PELP1: variants seen among roughly 807,000 people sequenced by gnomAD.
PELP1 encodes the protein proline, glutamate and leucine rich protein 1, also known as proline-, glutamic acid- and leucine-rich protein 1.
PELP1 carries 32 observed loss-of-function variants against 95.5 expected under a neutral mutation model. That is an observed-to-expected ratio of 0.34 (90% CI 0.25 to 0.45). The LOEUF (loss-of-function observed/expected upper bound fraction) is 0.45, where lower values mean the gene tolerates loss of function less well. Among genes scored for constraint, PELP1 ranks in the 20% least tolerant of loss-of-function variants. The pLI, the probability that PELP1 is intolerant of heterozygous loss-of-function variation, is 1.00. For synonymous variants in PELP1, 668 were observed against 600.1 expected (o/e 1.11, Z -1.65); for missense variants, 1,358 against 1,444.8 (o/e 0.94, Z 0.97).
chr17:4,692,466 CAAA>C (rs11321605), intron 1 of PELP1, among the ~76,000 whole-genome samples: 3 of 147,882 alleles, frequency 2.0e-5, no homozygotes, highest in Admixed American at 6.7e-5. Context: ...GACTCTGTCT[CAAA>C]AAAAAAAAAA....
chr17:4,681,544 G>A (rs1424055981), intron 5 of PELP1, among the ~76,000 whole-genome samples: 1 of 151,804 alleles, frequency 6.6e-6, no homozygotes, highest in Non-Finnish European at 1.5e-5. Flanking sequence ...GCTAATGCCT[G>A]TAATCCCAGC....
Position 4,675,418 on chromosome 17 carries a change from G to C in PELP1, c.1069-56C>G, listed in dbSNP as rs1476813025. 2.7e-6 allele frequency: 3 copies of C among 1,123,082 alleles called. No individual in the cohort carries two copies. Among genetic ancestry groups the C allele is most frequent in the Non-Finnish European group, 3.9e-6 (3 of 764,866 alleles). The allele number at this position is 1,123,082 out of a possible 1,614,324, so 69.6% of individuals were successfully genotyped here. A position where few individuals can be genotyped will look rare whatever the true frequency, so the allele number is the denominator to read the frequency against. On this transcript the variant is annotated intron_variant, in intron 9 of 16. Transcript: ENST00000572293. The surrounding 1 kb of genome is among the most constrained non-coding windows in gnomAD (Gnocchi z 4.3). Reference sequence around the variant, plus strand: ...GGAGGAAGAAAGTGAGAGCCAGAGAGAGACAGAAACAGGGAATGACCATTT... The same window carrying C: ...GGAGGAAGAAAGTGAGAGCCAGAGACAGACAGAAACAGGGAATGACCATTT...
At chr17:4,678,635 C>T (rs1912583804) in intron 5 of PELP1, among the ~76,000 whole-genome samples, 1 of 152,170 alleles carries the variant, frequency 6.6e-6, no homozygotes, top group African/African-American at 2.4e-5. Context: ...ACTCAAAACG[C>T]GCACACACAC....
At chr17:4,683,260 AC>A (rs1273632751) in intron 3 of PELP1, 3 of 203,382 alleles carry the variant, frequency 1.5e-5, no homozygotes, top group African/African-American at 7.2e-5. Context: ...TTGCTCTGTC[AC>A]CCAGGCTGGA....
At position 4,673,855 on chromosome 17, in the gene PELP1, G is replaced by A. The variant is rs145863425; in HGVS notation, c.1583-181C>T. ...ACCTCTACTGTATAGGGCCACTGAC[G>A]GTATTTAATTGAGACAATGTAAGTA... On this transcript the variant is annotated intron_variant, in intron 13 of 16. Coordinates refer to ENST00000572293, the MANE Select transcript of PELP1 (RefSeq NM_014389.3). This position sits in a 1 kb window ranked among gnomAD's most constrained non-coding sequence, Gnocchi z 5.7. 27 of 581,646 alleles carry A rather than the reference G, an allele frequency of 4.6e-5. No individual in the cohort carries two copies. Among genetic ancestry groups the A allele is most frequent in the African/African-American group, 3.7e-5 (2 of 53,774 alleles). The allele number at this position is 581,646 out of a possible 1,614,324, so 36.0% of individuals were successfully genotyped here.
intron 3 of PELP1, among the ~76,000 whole-genome samples, chr17:4,685,060 G>A (rs1912856496): frequency 1.3e-5 from 2 of 152,008 alleles, no homozygotes; most frequent in African/African-American, 2.4e-5. Context: ...CTCCCTCATC[G>A]TTAGAGCCCA....
chr17:4,676,794 A>G lies in PELP1; in HGVS notation c.661T>C (p.Phe221Leu). ...CTCAAGGCATCCACCCTAGACAGAA[A>G]AAATGAGGCCAGCTTGCCCTGGATG... ...GSLKGKLASF[F>L]LSRVDALSPQ... The change falls in exon 6 of 17, where the codon TTT becomes CTT. Residue 221 changes from phenylalanine to leucine, a missense_variant. Phe to Leu is a conservative substitution (Grantham distance 22). Coordinates refer to ENST00000572293, the MANE Select transcript of PELP1 (RefSeq NM_014389.3). The G allele has an allele frequency of 6.4e-7, 1 of 1,568,846 alleles. No individual in the cohort carries two copies. Among genetic ancestry groups the G allele is most frequent in the South Asian group, 1.2e-5 (1 of 85,076 alleles).
chr17:4,685,989 C>T (rs567967527), intron 3 of PELP1, among the ~76,000 whole-genome samples: 3 of 152,066 alleles, frequency 2.0e-5, no homozygotes, highest in African/African-American at 7.2e-5. Context: ...CCCAGCTACT[C>T]AGGAGGCTGA....
intron 1 of PELP1, among the ~76,000 whole-genome samples, chr17:4,702,564 T>C (rs914959323): frequency 1.3e-5 from 2 of 152,194 alleles, no homozygotes; most frequent in Non-Finnish European, 2.9e-5. Context: ...CAGCCTCTGA[T>C]ATTGGGCTGA....
At chr17:4,694,596 G>A (rs1913225600) in intron 1 of PELP1, among the ~76,000 whole-genome samples, 2 of 149,896 alleles carry the variant, frequency 1.3e-5, no homozygotes, top group Non-Finnish European at 3.0e-5. Flanking sequence ...GGAGGCGGAG[G>A]TCGCAATGAG....
chr17:4,696,188 C>T (rs981453569), intron 1 of PELP1, among the ~76,000 whole-genome samples: 3 of 151,934 alleles, frequency 2.0e-5, no homozygotes, highest in African/African-American at 4.8e-5. Flanking sequence ...AAAAATTAGC[C>T]GAACATGGTG....
In PELP1 at chr17:4,671,900, G is replaced by A. The variant is rs375864738; in HGVS notation, c.3091C>T (p.Leu1031Phe). The part of the protein sequence containing the change: ...DTAPTLAPEA[L>F]PSQGEVEREG... ...CTCTCCACCTCTCCCTGGGAGGGGA[G>A]CGCTTCAGGGGCCAGGGTGGGAGCT... The change falls in exon 16 of 17, where the codon CTC (leucine) becomes TTC (phenylalanine). Residue 1031 changes from leucine (L) to phenylalanine (F), a missense_variant. Around this residue, in one of 7 missense-constraint regions of PELP1, gnomAD observed 283 missense variants for 284.1 expected, o/e 1.00. Coordinates refer to ENST00000572293, the MANE Select transcript of PELP1 (RefSeq NM_014389.3). 1.1e-5 allele frequency: 17 copies of A among 1,513,348 alleles called. No homozygotes were observed. The African/African-American group carries it at 2.4e-4, about 21-fold the overall frequency. 93.7% of individuals were successfully genotyped at this position (1,513,348 alleles called of 1,614,324 possible). A position where few individuals can be genotyped will look rare whatever the true frequency, so the allele number is the denominator to read the frequency against.
chr17:4,671,683 CCT>C lies in PELP1; in HGVS notation c.3300+6_3300+7del. ...CGCCCAAGGAACCTTCCCTGCCTGG[CCT>C]CTCACCTTTTCCTGGAGAGCTTCGG... On this transcript the variant is annotated splice_donor_region_variant and intron_variant, in intron 16 of 16. Coordinates refer to ENST00000572293, the MANE Select transcript of PELP1 (RefSeq NM_014389.3). 1.3e-6 allele frequency: 2 copies of C among 1,580,210 alleles called. No individual in the cohort carries two copies. Among genetic ancestry groups the C allele is most frequent in the Admixed American group, 2.0e-5 (1 of 49,660 alleles).
At chr17:4,701,652 T>TCCCC (rs1190108583) in intron 1 of PELP1, among the ~76,000 whole-genome samples, 1 of 152,190 alleles carries the variant, frequency 6.6e-6, no homozygotes, top group African/African-American at 2.4e-5. Context: ...AAACAGTGGA[T>TCCCC]CCCCCTTGCT....
intron 3 of PELP1, among the ~76,000 whole-genome samples, chr17:4,690,451 G>A (rs1266009078): frequency 6.6e-6 from 1 of 152,140 alleles, no homozygotes; most frequent in Admixed American, 6.6e-5. Flanking sequence ...GCTGGGCACA[G>A]TGCCTCACAC....
chr17:4,674,406 C>G (rs1056176565), intron 13 of PELP1, 104 bp downstream of exon 13: 5 of 1,086,440 alleles, frequency 4.6e-6, no homozygotes, highest in Non-Finnish European at 6.8e-6. Flanking sequence ...GCACTCTCCC[C>G]ACAAAAGTTT....
intron 3 of PELP1, 28 bp downstream of exon 3, chr17:4,690,856 AGGAG>A (rs750002036): frequency 7.6e-7 from 1 of 1,319,628 alleles, no homozygotes; most frequent in Admixed American, 1.7e-5. Context: ...ATGGGGGAGG[AGGAG>A]GAAGTAGGGC....
chr17:4,691,244 T>G (rs977388750), intron 2 of PELP1, 134 bp downstream of exon 2: 2 of 721,708 alleles, frequency 2.8e-6, no homozygotes, highest in Non-Finnish European at 4.8e-6. Flanking sequence ...ACAAAAGGAA[T>G]GTAACTCTCC....
chr17:4,673,225 G>C lies in PELP1; in HGVS notation c.1845+25C>G. 1 of 1,549,386 alleles carries C rather than the reference G, an allele frequency of 6.5e-7. No individual in the cohort carries two copies. Among genetic ancestry groups the C allele is most frequent in the Non-Finnish European group, 8.7e-7 (1 of 1,143,096 alleles). ...GAAACAAGAGACTCCAGGAACCAAAGAGGGGCTTGGCCCATCACAGTTACC... is the reference window on the plus strand; with the variant it reads ...GAAACAAGAGACTCCAGGAACCAAACAGGGGCTTGGCCCATCACAGTTACC... On this transcript the variant is annotated intron_variant, in intron 15 of 16. Coordinates refer to ENST00000572293, the MANE Select transcript of PELP1 (RefSeq NM_014389.3). The surrounding 1 kb of genome is among the most constrained non-coding windows in gnomAD (Gnocchi z 5.7).
Sources: allele counts gnomAD v4.1 joint callset (sites outside exome capture counted in the v4.1 genomes callset), GRCh38; gene constraint gnomAD v4.1.1; regional missense constraint gnomAD v4.1.1; non-coding constraint Gnocchi (gnomAD v3.1); transcripts MANE v1.5; gene names NCBI Gene and HGNC (gene_info 2026-07-23, HGNC 2026-07-21).